MRTFA: variants seen among roughly 807,000 people sequenced by gnomAD.
MRTFA encodes myocardin-related transcription factor A.
In MRTFA, 20 loss-of-function variants were observed where a neutral mutation model predicts 83.5. The ratio of observed to expected loss-of-function variants is 0.24; its 90% confidence interval spans 0.17 to 0.35. The LOEUF (loss-of-function observed/expected upper bound fraction) is 0.35, where lower values mean the gene tolerates loss of function less well. Among genes scored for constraint, MRTFA ranks in the 10% least tolerant of loss-of-function variants. The pLI, the probability that MRTFA is intolerant of heterozygous loss-of-function variation, is 1.00. For synonymous variants in MRTFA, 659 were observed against 541.2 expected (o/e 1.22, Z -3.02); for missense variants, 1,200 against 1,224.7 (o/e 0.98, Z 0.30).
At chr22:40,571,986 A>G (rs1052909633) in intron 2 of MRTFA, among the ~76,000 whole-genome samples, 10 of 151,196 alleles carry the variant, frequency 6.6e-5, no homozygotes, top group African/African-American at 2.4e-4. Context: ...GCTCAACATC[A>G]CTAGTCATTA....
intron 3 of MRTFA, among the ~76,000 whole-genome samples, chr22:40,493,946 A>G (rs2054310009): frequency 6.6e-6 from 1 of 152,184 alleles, no homozygotes; most frequent in Non-Finnish European, 1.5e-5. Context: ...GTGTCTTTGG[A>G]AATGTGAATT....
rs530099692 is a variant in MRTFA, at chr22:40,531,327, G to A, written c.241+20779C>T. Among the ~76,000 whole-genome samples the A allele has an allele frequency of 9.7e-5, 14 of 144,420 alleles. No homozygotes were observed. In the South Asian group the frequency reaches 1.5e-3, roughly 16 times the overall value. 94.7% of individuals were successfully genotyped at this position (144,420 alleles called of 152,430 possible). ...GGGTCTTGAACTCTTGGGCTTAAGCGATCCTCCTGCCTCAGCCTCCTGAAG... is the reference window on the plus strand; with the variant it reads ...GGGTCTTGAACTCTTGGGCTTAAGCAATCCTCCTGCCTCAGCCTCCTGAAG... On this transcript the variant is annotated intron_variant, in intron 3 of 14. Transcript: ENST00000355630.
intron 4 of MRTFA, among the ~76,000 whole-genome samples, chr22:40,459,822 C>CATACATATATAT (rs2053670066): frequency 1.5e-5 from 1 of 68,266 alleles, no homozygotes; most frequent in African/African-American, 6.5e-5. Flanking sequence ...CACACACACA[C>CATACATATATAT]ATATATACAT....
At chr22:40,527,987 G>A (rs1292999173) in intron 3 of MRTFA, among the ~76,000 whole-genome samples, 1 of 152,074 alleles carries the variant, frequency 6.6e-6, no homozygotes, top group Non-Finnish European at 1.5e-5. Flanking sequence ...TAACTCTAAG[G>A]GGACTTCAGA....
chr22:40,587,546 A>G, intron 2 of MRTFA: 1 of 288,560 alleles, frequency 3.5e-6, no homozygotes, highest in Non-Finnish European at 6.8e-6. Context: ...CTGACCACCA[A>G]AAAAAGTTCA....
chr22:40,454,844 A>T (rs1269693499), intron 4 of MRTFA, among the ~76,000 whole-genome samples: 2 of 152,218 alleles, frequency 1.3e-5, no homozygotes, highest in Non-Finnish European at 2.9e-5. Context: ...TCCAGGCTGG[A>T]GTGCAGTGGC....
intron 3 of MRTFA, among the ~76,000 whole-genome samples, chr22:40,489,750 G>T (rs1046345243): frequency 5.3e-5 from 8 of 152,118 alleles, no homozygotes; most frequent in East Asian, 3.8e-4. Context: ...AAGCCAAGGC[G>T]AGTGGATCAC....
At chr22:40,555,343 T>C (rs556754413) in intron 2 of MRTFA, among the ~76,000 whole-genome samples, 1 of 152,192 alleles carries the variant, frequency 6.6e-6, no homozygotes, top group African/African-American at 2.4e-5. Flanking sequence ...GATATTTGAG[T>C]CATGGGGGCA....
At position 40,417,357 on chromosome 22, in the gene MRTFA, T is replaced by C; in HGVS notation, c.2501A>G (p.Gln834Arg). Residue 834 changes from glutamine to arginine, a missense_variant, in exon 13 of 15, where the codon CAG (glutamine) becomes CGG (arginine). Physicochemically the swap from Gln to Arg is conservative, Grantham distance 43. Around this residue, in one of 2 missense-constraint regions of MRTFA, gnomAD observed 1,107 missense variants for 1,041.8 expected, o/e 1.06. Transcript: ENST00000355630. ...CTTCCTCACCTGCTGTTTGGGCTGC[T>C]GGCTCATGGCTTCCTCATAGCCAGG... 1 of 1,611,504 alleles carries C rather than the reference T, an allele frequency of 6.2e-7. No homozygotes were observed.
At position 40,470,100 on chromosome 22, in the gene MRTFA, T is replaced by C. The variant is rs777094169; in HGVS notation, c.242-6814A>G. On this transcript the variant is annotated intron_variant, in intron 3 of 14. Transcript: ENST00000355630. Reference sequence around the variant, plus strand: ...TTAGGCAAGCATGGCGGCGGGTGCCTATAATCCCAGCTACTCAGGAGGCTG... The same window carrying C: ...TTAGGCAAGCATGGCGGCGGGTGCCCATAATCCCAGCTACTCAGGAGGCTG... Among the ~76,000 whole-genome samples, 191 of 150,752 alleles carry C rather than the reference T, an allele frequency of 1.3e-3. 1 individual carries two copies. Among genetic ancestry groups the C allele is most frequent in the Middle Eastern group, 0.01 (3 of 290 alleles).
At chr22:40,565,409 C>T (rs1410677848) in intron 2 of MRTFA, among the ~76,000 whole-genome samples, 1 of 152,080 alleles carries the variant, frequency 6.6e-6, no homozygotes, top group East Asian at 1.9e-4. Flanking sequence ...TAGCTGGGCA[C>T]GGTTGTGCAC....
chr22:40,563,343 T>C (rs916394188), intron 2 of MRTFA, among the ~76,000 whole-genome samples: 1 of 152,172 alleles, frequency 6.6e-6, no homozygotes, highest in Non-Finnish European at 1.5e-5. Flanking sequence ...CAGTAGATGG[T>C]AAATTCACTG....
Position 40,419,027 on chromosome 22 carries a change from TGGA to T in MRTFA, c.1708_1710del (p.Ser570del). On this transcript the variant is annotated inframe_deletion, in exon 12 of 15. Transcript: ENST00000355630. ...ATCTCACCAAAGGTGTCCCCGGGGG[TGGA>T]GTTTTCATCGCCCGTGCTGAGCAGT... 1 of 1,610,602 alleles carries T rather than the reference TGGA, an allele frequency of 6.2e-7. No individual in the cohort carries two copies.
chr22:40,560,253 C>T (rs545215111), intron 2 of MRTFA, among the ~76,000 whole-genome samples: 1 of 152,280 alleles, frequency 6.6e-6, no homozygotes, highest in Admixed American at 6.5e-5. Context: ...TGTTTGATAA[C>T]ATTCTCCTAG....
chr22:40,425,154 G>A (rs1216270500), intron 7 of MRTFA, among the ~76,000 whole-genome samples: 1 of 152,252 alleles, frequency 6.6e-6, no homozygotes, highest in Non-Finnish European at 1.5e-5. Context: ...GTCCTTCTGA[G>A]GCCAACTGGA....
chr22:40,513,074 G>A (rs2054694383), intron 3 of MRTFA, among the ~76,000 whole-genome samples: 1 of 152,140 alleles, frequency 6.6e-6, no homozygotes, highest in Admixed American at 6.5e-5. Flanking sequence ...TCTGTTTGTG[G>A]CACTTTCATC....
At chr22:40,480,431 A>G (rs1412243345) in intron 3 of MRTFA, among the ~76,000 whole-genome samples, 5 of 152,104 alleles carry the variant, frequency 3.3e-5, no homozygotes, top group Admixed American at 3.3e-4. Context: ...CTGTTTTAAA[A>G]TGACACTATA....
intron 3 of MRTFA, among the ~76,000 whole-genome samples, chr22:40,499,696 A>T (rs2054422735): frequency 6.6e-6 from 1 of 152,170 alleles, no homozygotes. Context: ...CTTACAAATG[A>T]CTCTGTAAGC....
At chr22:40,525,190 G>A (rs2054945544) in intron 3 of MRTFA, among the ~76,000 whole-genome samples, 1 of 152,050 alleles carries the variant, frequency 6.6e-6, no homozygotes. Flanking sequence ...CCAAAAGATG[G>A]AAAAAATATA....
Sources: allele counts gnomAD v4.1 joint callset (sites outside exome capture counted in the v4.1 genomes callset), GRCh38; gene constraint gnomAD v4.1.1; regional missense constraint gnomAD v4.1.1; transcripts MANE v1.5; gene names NCBI Gene and HGNC (gene_info 2026-07-23, HGNC 2026-07-21).